CRISP1: variants seen among roughly 807,000 people sequenced by gnomAD.
CRISP1 encodes cysteine-rich secretory protein 1.
Under a neutral mutation model 33.1 loss-of-function variants are expected in CRISP1, and 44 were observed. The ratio of observed to expected loss-of-function variants is 1.33; its 90% confidence interval spans 1.05 to 1.71. The LOEUF (loss-of-function observed/expected upper bound fraction) is 1.71, where lower values mean the gene tolerates loss of function less well. Ranked by LOEUF, CRISP1 falls within the 40% of genes most tolerant of loss-of-function variation. The pLI is 0.00. For synonymous variants in CRISP1, 103 were observed against 98.7 expected, an observed-to-expected ratio of 1.04 and a Z score of -0.26; for missense variants, 390 against 301.2, an observed-to-expected ratio of 1.29 and a Z score of -2.18.
At chr6:49,843,839 T>C (rs1022889786) in intron 5 of CRISP1, among the ~76,000 whole-genome samples, 2 of 152,164 alleles carry the variant, frequency 1.3e-5, no homozygotes, top group Non-Finnish European at 2.9e-5. Context: ...GTCTCAGATA[T>C]AAATGAGGGA....
chr6:49,859,161 G>T (rs1253222522), intron 1 of CRISP1, among the ~76,000 whole-genome samples: 3 of 151,960 alleles, frequency 2.0e-5, no homozygotes, highest in East Asian at 1.9e-4. Context: ...CTGCCCAAAG[G>T]CACAGTTCCA....
In CRISP1 at chr6:49,855,753, A is replaced by G. The variant is rs544175216; in HGVS notation, c.66+1582T>C. ...TGTTAAATTAGACACCTAATATCCC[A>G]AAAAACACTGCCACTGGTGGAAGTT... On this transcript the variant is annotated intron_variant, in intron 2 of 7. Transcript: ENST00000335847. 5.3e-5 allele frequency among the ~76,000 whole-genome samples: 8 copies of G among 152,304 alleles called. No individual in the cohort carries two copies. The South Asian group carries it at 1.7e-3, about 32-fold the overall frequency.
intron 1 of CRISP1, among the ~76,000 whole-genome samples, chr6:49,873,647 T>C (rs189901213): frequency 1.6e-4 from 25 of 152,250 alleles, no homozygotes; most frequent in South Asian, 2.1e-4. Context: ...TTTATAGAAC[T>C]GGTTATATCA....
Position 49,840,941 on chromosome 6 carries a change from G to C in CRISP1, c.490C>G (p.Gln164Glu). The stretch of plus-strand genomic sequence containing the variant: ...ACGTAGAGATATCGAGGTGATCCTT[G>C]TTGGCGGCAAGATGCAATGGCACAG... ...IGCAIASCRQ[Q>E]GSPRYLYVCH... The change falls in exon 6 of 8, where the codon CAA (glutamine) becomes GAA (glutamate). Residue 164 changes from glutamine (Q) to glutamate (E), a missense_variant. By Grantham distance (29) the Gln-to-Glu change is conservative. Coordinates refer to ENST00000335847, the MANE Select transcript of CRISP1 (RefSeq NM_001131.3). 6.2e-7 allele frequency: 1 copy of C among 1,613,962 alleles called. No individual in the cohort carries two copies. Among genetic ancestry groups the C allele is most frequent in the South Asian group, 1.1e-5 (1 of 91,074 alleles).
chr6:49,854,681 A>G (rs1291605065), intron 2 of CRISP1, among the ~76,000 whole-genome samples: 2 of 152,166 alleles, frequency 1.3e-5, no homozygotes, highest in African/African-American at 4.8e-5. Flanking sequence ...ACAGTTGCCC[A>G]AGTAATAGAG....
intron 1 of CRISP1, among the ~76,000 whole-genome samples, chr6:49,873,252 C>T (rs1363540205): frequency 1.3e-5 from 2 of 151,852 alleles, no homozygotes; most frequent in African/African-American, 4.8e-5. Context: ...CACAACTTTC[C>T]TTATTCCTAT....
intron 1 of CRISP1, among the ~76,000 whole-genome samples, chr6:49,866,018 A>C (rs1771790817): frequency 6.6e-6 from 1 of 152,178 alleles, no homozygotes; most frequent in Non-Finnish European, 1.5e-5. Flanking sequence ...AAGTTATAAA[A>C]GTGACAGAGG....
At chr6:49,862,344 T>C (rs1236289956) in intron 1 of CRISP1, among the ~76,000 whole-genome samples, 1 of 151,932 alleles carries the variant, frequency 6.6e-6, no homozygotes, top group African/African-American at 2.4e-5. Flanking sequence ...ACACAAAAAT[T>C]ATGGGCTCTA....
At chr6:49,846,422 A>G (rs1312780882) in intron 5 of CRISP1, 98 bp downstream of exon 5, 6 of 1,263,154 alleles carry the variant, frequency 4.8e-6, no homozygotes, top group Middle Eastern at 3.9e-4. Context: ...AAAGATTGCC[A>G]TAAGAAGGTA....
chr6:49,864,478 C>A (rs1286192945), intron 1 of CRISP1, among the ~76,000 whole-genome samples: 1 of 150,774 alleles, frequency 6.6e-6, no homozygotes, highest in Non-Finnish European at 1.5e-5. Context: ...ATGGTATACA[C>A]ATGTCTTCCT....
chr6:49,852,748 T>C (rs1357503072), intron 2 of CRISP1, among the ~76,000 whole-genome samples: 1 of 152,154 alleles, frequency 6.6e-6, no homozygotes, highest in Non-Finnish European at 1.5e-5. Context: ...TTTGTGACCG[T>C]TCTTTTCATT....
chr6:49,840,865 G>T, intron 6 of CRISP1, 33 bp downstream of exon 6: 1 of 1,514,292 alleles, frequency 6.6e-7, no homozygotes. Flanking sequence ...TTACTTTAGG[G>T]GGATATATAT....
At position 49,852,059 on chromosome 6, in the gene CRISP1, T is replaced by C. The variant is rs751521013; in HGVS notation, c.137A>G (p.Asn46Ser). Reference sequence around the variant, plus strand: ...TCTTCTCCTGAGGGCGTTGTGTATATTAACGATCTCTTCTTGTACATTTGG... The same window carrying C: ...TCTTCTCCTGAGGGCGTTGTGTATACTAACGATCTCTTCTTGTACATTTGG... ...DLPNVQEEIV[N>S]IHNALRRRVV... The change falls in exon 3 of 8, where the codon AAT becomes AGT. Residue 46 changes from asparagine (N) to serine (S), a missense_variant. Coordinates refer to ENST00000335847, the MANE Select transcript of CRISP1 (RefSeq NM_001131.3). The C allele has an allele frequency of 6.2e-7, 1 of 1,613,462 alleles. No homozygotes were observed. Among genetic ancestry groups the C allele is most frequent in the Non-Finnish European group, 8.5e-7 (1 of 1,179,598 alleles).
At chr6:49,837,097 G>T (rs1424264023) in intron 7 of CRISP1, among the ~76,000 whole-genome samples, 1 of 151,700 alleles carries the variant, frequency 6.6e-6, no homozygotes, top group Non-Finnish European at 1.5e-5. Flanking sequence ...TTATAAGTAA[G>T]AATTATTTTT....
chr6:49,860,199 A>G (rs1010616502), intron 1 of CRISP1, among the ~76,000 whole-genome samples: 3 of 152,184 alleles, frequency 2.0e-5, no homozygotes, highest in African/African-American at 7.2e-5. Flanking sequence ...CACTCTCAGC[A>G]TTAGACAGAT....
intron 6 of CRISP1, among the ~76,000 whole-genome samples, chr6:49,838,892 G>A (rs1239684832): frequency 6.6e-6 from 1 of 151,798 alleles, no homozygotes; most frequent in Non-Finnish European, 1.5e-5. Flanking sequence ...ATAAGGACTT[G>A]GTAAACCATC....
intron 2 of CRISP1, among the ~76,000 whole-genome samples, chr6:49,852,617 G>A (rs1176260375): frequency 6.6e-6 from 1 of 152,140 alleles, no homozygotes; most frequent in African/African-American, 2.4e-5. Context: ...GGACAAAGTT[G>A]CAAGTGTTAT....
At chr6:49,836,346 T>A (rs186073915) in intron 7 of CRISP1, among the ~76,000 whole-genome samples, 15,638 of 150,882 alleles carry the variant, frequency 0.1, 1,028 homozygotes, top group Non-Finnish European at 0.15. Flanking sequence ...TTTTATTTTT[T>A]TTTTTTTGAG....
chr6:49,841,120 A>G (rs1770973095), intron 5 of CRISP1, 125 bp from the exon 6 acceptor site: 6 of 781,308 alleles, frequency 7.7e-6, no homozygotes, highest in Non-Finnish European at 1.2e-5. Context: ...GCATGGCTTA[A>G]TAAGAAGTCA....
Sources: gnomAD v4.1 joint callset for allele counts (sites outside exome capture counted in the v4.1 genomes callset) on GRCh38, gnomAD v4.1.1 for gene constraint, MANE v1.5 for transcripts, NCBI Gene and HGNC (gene_info 2026-07-23, HGNC 2026-07-21) for gene names.